TNRC6B: variants seen among roughly 807,000 people sequenced by gnomAD.
The protein encoded by TNRC6B is trinucleotide repeat containing adaptor 6B.
TNRC6B carries 52 observed loss-of-function variants against 203.6 expected under a neutral mutation model. The observed-to-expected ratio is 0.26, with a 90% CI of 0.20 to 0.32. TNRC6B has a LOEUF of 0.32. Among genes scored for constraint, TNRC6B ranks in the 10% least tolerant of loss-of-function variants. The probability of loss-of-function intolerance (pLI) is 1.00; values close to 1 mark genes in which losing one functional copy is unlikely to be tolerated. For synonymous variants in TNRC6B, 838 were observed against 845.7 expected (o/e 0.99, Z 0.16); for missense variants, 1,923 against 2,286.2 (o/e 0.84, Z 3.24).
intron 1 of TNRC6B, among the ~76,000 whole-genome samples, chr22:40,219,444 G>T (rs2069678527): frequency 1.3e-5 from 2 of 152,098 alleles, no homozygotes. Context: ...GCCAGCAGGA[G>T]GGTGGAAGTT....
At chr22:40,081,049 G>T (rs1471381017) in intron 1 of TNRC6B, among the ~76,000 whole-genome samples, 1 of 151,644 alleles carries the variant, frequency 6.6e-6, no homozygotes, top group African/African-American at 2.4e-5. Flanking sequence ...GTGTGGGGGG[G>T]TGCGTTTCAC....
chr22:40,103,267 CAAA>C (rs781514140), intron 1 of TNRC6B, among the ~76,000 whole-genome samples: 6 of 124,478 alleles, frequency 4.8e-5, no homozygotes, highest in Admixed American at 1.6e-4. Flanking sequence ...CACCCTGTCT[CAAA>C]AAAAAAAAAA....
intron 1 of TNRC6B, among the ~76,000 whole-genome samples, chr22:40,086,047 T>C (rs1471486432): frequency 6.6e-6 from 1 of 152,130 alleles, no homozygotes; most frequent in African/African-American, 2.4e-5. Context: ...ATTTTTACTT[T>C]TTTTGTAGAG....
chr22:40,125,498 G>A (rs1220640390), intron 2 of TNRC6B, among the ~76,000 whole-genome samples: 1 of 152,050 alleles, frequency 6.6e-6, no homozygotes, highest in African/African-American at 2.4e-5. Flanking sequence ...AAATAAAATA[G>A]GGAAAGAAAT....
At chr22:40,120,861 C>T (rs949248779) in intron 2 of TNRC6B, among the ~76,000 whole-genome samples, 2 of 152,116 alleles carry the variant, frequency 1.3e-5, no homozygotes, top group South Asian at 2.1e-4. Flanking sequence ...TTTATTCGCC[C>T]ACCACCACTA....
At chr22:40,132,947 A>AATAAAAAATAAAAAAT (rs1382639444) in intron 3 of TNRC6B, among the ~76,000 whole-genome samples, 4 of 69,990 alleles carry the variant, frequency 5.7e-5, no homozygotes, top group Non-Finnish European at 7.6e-5. Flanking sequence ...CTGTCTCAAA[A>AATAAAAAATAAAAAAT]AAAAAAAAAA....
At chr22:40,069,130 C>T (rs922419067) in intron 1 of TNRC6B, among the ~76,000 whole-genome samples, 5 of 152,056 alleles carry the variant, frequency 3.3e-5, no homozygotes, top group South Asian at 2.1e-4. Flanking sequence ...GACAGTATCT[C>T]GCTGTCTCGC....
At chr22:40,078,327 G>C (rs560450165) in intron 1 of TNRC6B, among the ~76,000 whole-genome samples, 1 of 152,292 alleles carries the variant, frequency 6.6e-6, no homozygotes, top group South Asian at 2.1e-4. Context: ...TTCAAGACCA[G>C]CCTGGGCAAC....
At chr22:40,098,353 C>G (rs900866843) in intron 1 of TNRC6B, among the ~76,000 whole-genome samples, 1 of 139,638 alleles carries the variant, frequency 7.2e-6, no homozygotes, top group Non-Finnish European at 1.5e-5. Context: ...CCATTGCACT[C>G]CAGCCTGGGC....
At chr22:40,063,441 C>T (rs1441505430) in intron 1 of TNRC6B, among the ~76,000 whole-genome samples, 2 of 152,210 alleles carry the variant, frequency 1.3e-5, no homozygotes, top group African/African-American at 4.8e-5. Flanking sequence ...ATCAGCTTCT[C>T]CATTTCTACA....
At chr22:40,134,545 A>G (rs771965933) in intron 3 of TNRC6B, among the ~76,000 whole-genome samples, 2 of 152,148 alleles carry the variant, frequency 1.3e-5, no homozygotes, top group Non-Finnish European at 2.9e-5. Flanking sequence ...TTAATAAACT[A>G]TGGACTTTAG....
intron 1 of TNRC6B, among the ~76,000 whole-genome samples, chr22:40,228,746 G>A (rs948536153): frequency 6.6e-6 from 1 of 151,540 alleles, no homozygotes; most frequent in Non-Finnish European, 1.5e-5. Context: ...GGATGGTCTC[G>A]ATCTCCTGAC....
At position 40,257,491 on chromosome 22, in the gene TNRC6B, T is replaced by TGG. The variant is rs887468781; in HGVS notation, c.116-4340_116-4339dup. On this transcript the variant is annotated intron_variant, in intron 3 of 22. Transcript: ENST00000454349. ...CAGCACTTTGGGAGGCTGAGGCAGGTGGATCACCTGAGGTCAGTAGTTCGA... is the reference window on the plus strand; with the variant it reads ...CAGCACTTTGGGAGGCTGAGGCAGGTGGGGATCACCTGAGGTCAGTAGTTCGA... Among the ~76,000 whole-genome samples the TGG allele has an allele frequency of 8.8e-5, 13 of 148,554 alleles. 1 individual carries two copies. The highest frequency in any genetic ancestry group is 7.4e-4 in the Admixed American group (11 of 14,956).
chr22:40,114,238 T>G (rs1215056128), intron 1 of TNRC6B, among the ~76,000 whole-genome samples: 1 of 152,242 alleles, frequency 6.6e-6, no homozygotes, highest in Non-Finnish European at 1.5e-5. Context: ...TTCTTTCAAC[T>G]TGCCATATTC....
intron 1 of TNRC6B, among the ~76,000 whole-genome samples, chr22:40,076,974 A>G (rs982014085): frequency 3.3e-5 from 5 of 151,966 alleles, no homozygotes; most frequent in African/African-American, 4.8e-5. Context: ...AGTCTGAGCA[A>G]AGTACCAAGA....
intron 1 of TNRC6B, among the ~76,000 whole-genome samples, chr22:40,240,845 CAG>C (rs928623786): frequency 1.3e-5 from 2 of 152,122 alleles, no homozygotes; most frequent in Non-Finnish European, 2.9e-5. Context: ...GTTTTGGAGA[CAG>C]GGTCTCACTC....
chr22:40,307,248 A>C (rs967165171), intron 15 of TNRC6B, among the ~76,000 whole-genome samples: 2 of 152,140 alleles, frequency 1.3e-5, no homozygotes, highest in African/African-American at 4.8e-5. Flanking sequence ...CTGATCCCTT[A>C]GTGGGATTTG....
Position 40,323,042 on chromosome 22 carries a change from G to T in TNRC6B, c.5303G>T (p.Gly1768Val). ...GGACCTGCTCTGAATCTTTTTGGTG[G>T]GTCCACTGGGCTCGGGCAGTGGAGC... ...PVGPALNLFG[G>V]STGLGQWSSS... The change falls in exon 23 of 23, where the codon GGG becomes GTG. Residue 1768 changes from glycine (G) to valine (V), a missense_variant. This residue lies in a region of TNRC6B where 126 missense variants were observed against 137.5 expected (regional missense o/e 0.92). Transcript: ENST00000454349. 6.2e-7 allele frequency: 1 copy of T among 1,601,260 alleles called. No homozygotes were observed. The highest frequency in any genetic ancestry group is 8.5e-7 in the Non-Finnish European group (1 of 1,173,406).
intron 1 of TNRC6B, among the ~76,000 whole-genome samples, chr22:40,090,441 T>C (rs2068141243): frequency 1.3e-5 from 2 of 152,150 alleles, no homozygotes; most frequent in Admixed American, 1.3e-4. Flanking sequence ...TAATGACATA[T>C]GATGTTGAGT....
Sources: allele counts gnomAD v4.1 joint callset (sites outside exome capture counted in the v4.1 genomes callset), GRCh38; gene constraint gnomAD v4.1.1; regional missense constraint gnomAD v4.1.1; transcripts MANE v1.5; gene names NCBI Gene and HGNC (gene_info 2026-07-23, HGNC 2026-07-21).